The following TMEM128 variants were observed in gnomAD, a reference collection of about 807,000 sequenced individuals.
The protein encoded by TMEM128 is transmembrane protein 128.
A neutral mutation model predicts 19.7 loss-of-function variants in TMEM128; 16 were observed. The ratio of observed to expected loss-of-function variants is 0.81; its 90% CI spans 0.55 to 1.23. The LOEUF is 1.23. Among genes scored for constraint, TMEM128 ranks in the 50% most tolerant of loss-of-function variants. TMEM128 has a pLI of 0.00. For missense variants in TMEM128, 237 were observed against 200.8 expected (o/e 1.18, Z -1.09); for synonymous variants, 98 against 75.8 (o/e 1.29, Z -1.52).
intron 3 of TMEM128, among the ~76,000 whole-genome samples, chr4:4,239,948 G>A (rs1717880961): frequency 6.6e-6 from 1 of 152,204 alleles, no homozygotes; most frequent in South Asian, 2.1e-4. Context: ...TAACTGGGAG[G>A]GAGAATGAAG....
At chr4:4,247,472 T>C (rs1005006510) in intron 1 of TMEM128, 5 of 1,259,194 alleles carry the variant, frequency 4.0e-6, no homozygotes, top group Middle Eastern at 4.2e-4. Flanking sequence ...ATAAAAAATA[T>C]CCAAAATGAA....
intron 1 of TMEM128, among the ~76,000 whole-genome samples, chr4:4,247,041 G>A (rs959141461): frequency 6.6e-6 from 1 of 152,198 alleles, no homozygotes; most frequent in African/African-American, 2.4e-5. Context: ...TGGGATTACA[G>A]GCGTGAGCTA....
chr4:4,243,611 G>C (rs12509987), intron 2 of TMEM128, among the ~76,000 whole-genome samples: 17,381 of 152,070 alleles, frequency 0.11, 1,275 homozygotes, highest in East Asian at 0.3. Flanking sequence ...CCCTTAATGA[G>C]TCCTTCCCAA....
chr4:4,238,247 C>T (rs1261700752), intron 3 of TMEM128, among the ~76,000 whole-genome samples: 1 of 152,172 alleles, frequency 6.6e-6, no homozygotes, highest in East Asian at 1.9e-4. Context: ...ATTTAAATGG[C>T]TACAGCCCAT....
intron 2 of TMEM128, among the ~76,000 whole-genome samples, 155 bp from the exon 3 acceptor site, chr4:4,240,634 A>G (rs146482952): frequency 6.6e-6 from 1 of 152,220 alleles, no homozygotes; most frequent in African/African-American, 2.4e-5. Flanking sequence ...AGAAAGTCTC[A>G]ATCTATGGGA....
chr4:4,238,707 A>G (rs1481769440), intron 3 of TMEM128, among the ~76,000 whole-genome samples: 4 of 152,190 alleles, frequency 2.6e-5, no homozygotes, highest in African/African-American at 9.7e-5. Flanking sequence ...CATAGAAAGA[A>G]TATGTATAAA....
intron 4 of TMEM128, among the ~76,000 whole-genome samples, chr4:4,237,231 T>C (rs1398782493): frequency 6.6e-6 from 1 of 152,208 alleles, no homozygotes; most frequent in Non-Finnish European, 1.5e-5. Flanking sequence ...TTCCCATTTC[T>C]TAAGAATGAT....
intron 2 of TMEM128, 76 bp from the exon 3 acceptor site, chr4:4,240,555 G>C: frequency 6.8e-7 from 1 of 1,474,352 alleles, no homozygotes; most frequent in African/African-American, 1.4e-5. Flanking sequence ...TTTACTAATA[G>C]CTTAAAAATC....
intron 1 of TMEM128, chr4:4,247,584 C>T (rs1718237133): frequency 1.9e-6 from 3 of 1,614,164 alleles, no homozygotes; most frequent in South Asian, 1.1e-5. Context: ...CACAGGTGAA[C>T]ATACATCACA....
At chr4:4,244,017 A>ACATAC (rs1338724176) in intron 2 of TMEM128, among the ~76,000 whole-genome samples, 1 of 152,194 alleles carries the variant, frequency 6.6e-6, no homozygotes, top group East Asian at 1.9e-4. Flanking sequence ...CTTACAAAGC[A>ACATAC]CATACCATGC....
intron 4 of TMEM128, among the ~76,000 whole-genome samples, chr4:4,237,401 C>G (rs1717762690): frequency 6.6e-6 from 1 of 152,098 alleles, no homozygotes; most frequent in Non-Finnish European, 1.5e-5. Flanking sequence ...CACTTAGAAC[C>G]AACTTTTACA....
Position 4,248,154 on chromosome 4 carries a change from G to A in TMEM128, c.49C>T (p.Leu17=), listed in dbSNP as rs1252686362. ...RQQLRRRFLL[L]PDAEAQLDRE... ...TCCAGCTGGGCCTCGGCGTCCGGCA[G>A]GAGGAGGAATCGCCGCCGGAGCTGC... Residue 17 remains leucine, a synonymous_variant, in exon 1 of 5, where the codon CTG becomes TTG. Coordinates refer to ENST00000382753, the MANE Select transcript of TMEM128 (RefSeq NM_001297551.2). 3.9e-6 allele frequency: 6 copies of A among 1,534,416 alleles called. No individual in the cohort carries two copies. The highest frequency in any genetic ancestry group is 5.0e-5 in the East Asian group (2 of 40,222).
At chr4:4,247,319 A>C (rs954516304) in intron 1 of TMEM128, among the ~76,000 whole-genome samples, 11 of 152,168 alleles carry the variant, frequency 7.2e-5, no homozygotes, top group Admixed American at 7.2e-4. Context: ...GGGCCTTTAG[A>C]TGACCATCGG....
intron 2 of TMEM128, among the ~76,000 whole-genome samples, chr4:4,243,638 A>G (rs1718051228): frequency 6.6e-6 from 1 of 152,202 alleles, no homozygotes. Context: ...AATGCGACTC[A>G]AAATCCTCAG....
chr4:4,244,730 G>A (rs4018328), intron 2 of TMEM128, among the ~76,000 whole-genome samples: 46,734 of 151,752 alleles, frequency 0.31, 7,791 homozygotes, highest in East Asian at 0.44. Context: ...TGCCCCTGTG[G>A]AATGACACCA....
At chr4:4,242,434 A>T (rs1394719330) in intron 2 of TMEM128, among the ~76,000 whole-genome samples, 2 of 151,938 alleles carry the variant, frequency 1.3e-5, no homozygotes, top group Non-Finnish European at 2.9e-5. Flanking sequence ...TAGGAAAAAA[A>T]TGTCTAAAAA....
chr4:4,241,033 C>T (rs1176627103), intron 2 of TMEM128, among the ~76,000 whole-genome samples: 2 of 152,156 alleles, frequency 1.3e-5, no homozygotes, highest in Non-Finnish European at 2.9e-5. Context: ...GCTGAGATGG[C>T]GCCATTGCAC....
At chr4:4,247,911 T>C in intron 1 of TMEM128, 195 bp downstream of exon 1, 1 of 1,429,914 alleles carries the variant, frequency 7.0e-7, no homozygotes, top group Admixed American at 3.0e-5. Flanking sequence ...AAATCAGCTC[T>C]CCAGAGAATT....
rs774974433 is a variant in TMEM128 at position 4,237,837 on chromosome 4, C to G, written c.497G>C (p.Ter166SerextTer15). 2.2e-5 allele frequency: 35 copies of G among 1,607,042 alleles called. No homozygotes were observed. Among genetic ancestry groups the G allele is most frequent in the Non-Finnish European group, 3.0e-5 (35 of 1,175,190 alleles). ...GVVMFITLLG[*>S] ...CTCCAGATATCTTACCTTCGGAAATCATCCAAGGAGTGTGATAAACATGAC... is the reference window on the plus strand; with the variant it reads ...CTCCAGATATCTTACCTTCGGAAATGATCCAAGGAGTGTGATAAACATGAC... Residue 166 changes from the stop codon to serine, a stop_lost, in exon 4 of 5, where the codon TGA becomes TCA. Coordinates refer to ENST00000382753, the MANE Select transcript of TMEM128 (RefSeq NM_001297551.2).
Sources: allele counts gnomAD v4.1 joint callset (sites outside exome capture counted in the v4.1 genomes callset), GRCh38; gene constraint gnomAD v4.1.1; transcripts MANE v1.5; gene names NCBI Gene and HGNC (gene_info 2026-07-23, HGNC 2026-07-21).